Variants in BCKDHB observed in about 807,000 individuals in gnomAD.
BCKDHB encodes the protein 2-oxoisovalerate dehydrogenase subunit beta, mitochondrial.
BCKDHB carries 41 observed loss-of-function variants against 48.5 expected under a neutral mutation model. The ratio of observed to expected loss-of-function variants is 0.85; its 90% CI spans 0.66 to 1.10. The LOEUF (loss-of-function observed/expected upper bound fraction) is 1.10. Among genes scored for constraint, BCKDHB ranks in the 50% least tolerant of loss-of-function variants. The pLI is 0.00. For synonymous variants in BCKDHB, 201 were observed against 174.8 expected, an observed-to-expected ratio of 1.15 and a Z score of -1.18; for missense variants, 496 against 494.2, an observed-to-expected ratio of 1.00 and a Z score of -0.03.
chr6:80,416,245 G>T, the BCKDHB span, among the ~76,000 whole-genome samples: 4 of 139,434 alleles, frequency 2.9e-5, no homozygotes, highest in Non-Finnish European at 4.7e-5. Flanking sequence ...TTTTGAATAG[G>T]TTTTTTTTTT....
the BCKDHB span, among the ~76,000 whole-genome samples, chr6:80,361,683 T>G: frequency 6.6e-6 from 1 of 152,186 alleles, no homozygotes; most frequent in Non-Finnish European, 1.5e-5. Flanking sequence ...CTTCAAGTGG[T>G]CATGTTGACA....
At chr6:80,355,646 G>A in the BCKDHB span, 1 of 143,432 alleles carries the variant, frequency 7.0e-6, no homozygotes. Flanking sequence ...GTAACAAATA[G>A]TATTTTTTTA....
At chr6:80,418,981 C>T in the BCKDHB span, among the ~76,000 whole-genome samples, 1 of 152,168 alleles carries the variant, frequency 6.6e-6, no homozygotes, top group African/African-American at 2.4e-5. Context: ...CTGTGCCTCA[C>T]AAGAAAGAGT....
chr6:80,395,472 C>T, the BCKDHB span, among the ~76,000 whole-genome samples: 13,727 of 152,108 alleles, frequency 0.09, 1,743 homozygotes, highest in African/African-American at 0.28. Flanking sequence ...TGGCATTTTG[C>T]CCCTACCAGA....
chr6:80,399,560 A>G, the BCKDHB span, among the ~76,000 whole-genome samples: 261 of 152,272 alleles, frequency 1.7e-3, no homozygotes, highest in African/African-American at 5.8e-3. Flanking sequence ...GATCTCTACA[A>G]GGAGAACTAC....
the BCKDHB span, chr6:80,374,624 T>A: frequency 1.8e-6 from 1 of 546,568 alleles, no homozygotes; most frequent in South Asian, 2.0e-5. Context: ...ATCTTTTAAG[T>A]GGAGCATTTA....
At chr6:80,435,699 A>G in the BCKDHB span, among the ~76,000 whole-genome samples, 8 of 152,128 alleles carry the variant, frequency 5.3e-5, no homozygotes, top group Non-Finnish European at 8.8e-5. Context: ...ATATATACTG[A>G]AGCTGAAGTG....
At chr6:80,238,637 C>A (rs1776245782) in intron 8 of BCKDHB, among the ~76,000 whole-genome samples, 1 of 151,828 alleles carries the variant, frequency 6.6e-6, no homozygotes, top group African/African-American at 2.4e-5. Context: ...TTCTACGGTA[C>A]ATGTGCACAA....
intron 9 of BCKDHB, among the ~76,000 whole-genome samples, chr6:80,308,939 TTTTCATA>T (rs1275848440): frequency 6.6e-6 from 1 of 152,136 alleles, no homozygotes. Flanking sequence ...CACACATAGA[TTTTCATA>T]ATTGTACCCA....
chr6:80,276,812 CTTAT>C (rs767191323), intron 9 of BCKDHB, among the ~76,000 whole-genome samples: 36 of 151,866 alleles, frequency 2.4e-4, no homozygotes, highest in Non-Finnish European at 4.3e-4. Context: ...AATTTTTAAA[CTTAT>C]TTATTTAAAG....
chr6:80,264,014 A>AT (rs1050632977), intron 8 of BCKDHB, among the ~76,000 whole-genome samples: 21 of 152,194 alleles, frequency 1.4e-4, no homozygotes, highest in African/African-American at 4.3e-4. Flanking sequence ...TCATTTTTCA[A>AT]TTTTTTTTAG....
At chr6:80,431,671 C>T in the BCKDHB span, among the ~76,000 whole-genome samples, 13,245 of 152,050 alleles carry the variant, frequency 0.087, 1,789 homozygotes, top group African/African-American at 0.29. Flanking sequence ...TTCCATTTGC[C>T]TGGTAAATAT....
intron 8 of BCKDHB, among the ~76,000 whole-genome samples, chr6:80,246,691 T>TAC (rs1776631462): frequency 6.6e-6 from 1 of 152,178 alleles, no homozygotes; most frequent in Non-Finnish European, 1.5e-5. Flanking sequence ...GCTTACAGAA[T>TAC]CCAAAATGGC....
At chr6:80,165,215 G>A (rs1264951910) in intron 3 of BCKDHB, among the ~76,000 whole-genome samples, 2 of 152,130 alleles carry the variant, frequency 1.3e-5, no homozygotes, top group South Asian at 2.1e-4. Flanking sequence ...GAGACAGCTG[G>A]AATTTACGTT....
At chr6:80,389,674 T>C in the BCKDHB span, among the ~76,000 whole-genome samples, 1 of 152,220 alleles carries the variant, frequency 6.6e-6, no homozygotes, top group African/African-American at 2.4e-5. Context: ...GGTTTTACCA[T>C]GTCCCCATTA....
chr6:80,321,116 C>T (rs559207595), intron 9 of BCKDHB, among the ~76,000 whole-genome samples: 1 of 152,060 alleles, frequency 6.6e-6, no homozygotes, highest in Non-Finnish European at 1.5e-5. Flanking sequence ...CAATATAGTT[C>T]ATCTAGGGCC....
At chr6:80,202,678 T>C (rs943391991) in intron 7 of BCKDHB, among the ~76,000 whole-genome samples, 2 of 151,946 alleles carry the variant, frequency 1.3e-5, no homozygotes, top group African/African-American at 4.8e-5. Context: ...GTTCTTTTTA[T>C]CTCCTTTTTT....
At chr6:80,353,081 C>T in the BCKDHB span, among the ~76,000 whole-genome samples, 1 of 152,132 alleles carries the variant, frequency 6.6e-6, no homozygotes, top group African/African-American at 2.4e-5. Context: ...CTCTGAGTCT[C>T]CATTCTCTAT....
intron 9 of BCKDHB, among the ~76,000 whole-genome samples, chr6:80,300,969 T>TA (rs1020464677): frequency 6.6e-6 from 1 of 151,638 alleles, no homozygotes; most frequent in Non-Finnish European, 1.5e-5. Context: ...TTGTCAGAAA[T>TA]AAAAAAAATT....
Sources: gnomAD v4.1 joint callset for allele counts (sites outside exome capture counted in the v4.1 genomes callset) on GRCh38, gnomAD v4.1.1 for gene constraint, MANE v1.5 for transcripts, NCBI Gene and HGNC (gene_info 2026-07-23, HGNC 2026-07-21) for gene names.